Variants in AKT3 observed in about 807,000 individuals in gnomAD.
AKT3 encodes AKT serine/threonine kinase 3.
Under a neutral mutation model 65.3 loss-of-function variants are expected in AKT3, and 15 were observed. The ratio of observed to expected loss-of-function variants is 0.23; its 90% CI spans 0.15 to 0.35. The LOEUF is 0.35. AKT3 is among the 10% of genes least tolerant of loss of function. The pLI is 1.00. For synonymous variants in AKT3, 206 were observed against 183.8 expected (o/e 1.12, Z -0.98); for missense variants, 243 against 576.5 (o/e 0.42, Z 5.92).
At chr1:243,800,288 T>C (rs1692300160) in intron 2 of AKT3, among the ~76,000 whole-genome samples, 1 of 152,214 alleles carries the variant, frequency 6.6e-6, no homozygotes, top group South Asian at 2.1e-4. Context: ...AGTGCCAACC[T>C]TACAGGGCTG....
intron 2 of AKT3, among the ~76,000 whole-genome samples, chr1:243,712,993 T>A (rs1381304359): frequency 6.6e-6 from 1 of 152,238 alleles, no homozygotes; most frequent in African/African-American, 2.4e-5. Context: ...GGTTACTATA[T>A]AACTTTGTTT....
intron 5 of AKT3, among the ~76,000 whole-genome samples, chr1:243,638,685 AAG>A (rs1680153621): frequency 6.6e-6 from 1 of 152,168 alleles, no homozygotes; most frequent in Non-Finnish European, 1.5e-5. Context: ...AATATCAAAT[AAG>A]TATTTGGGTT....
intron 3 of AKT3, among the ~76,000 whole-genome samples, chr1:243,689,936 T>G (rs936720202): frequency 6.6e-6 from 1 of 151,688 alleles, no homozygotes; most frequent in African/African-American, 2.4e-5. Flanking sequence ...CAGAGTGAGA[T>G]CTTGTCTTAA....
intron 2 of AKT3, among the ~76,000 whole-genome samples, chr1:243,763,074 A>G (rs917416271): frequency 6.6e-6 from 1 of 152,090 alleles, no homozygotes; most frequent in Non-Finnish European, 1.5e-5. Flanking sequence ...GAAAAACAAT[A>G]TAAAGTTTAT....
chr1:243,526,267 T>TAAATATCCTCAG (rs1671072017), intron 12 of AKT3, among the ~76,000 whole-genome samples: 1 of 152,088 alleles, frequency 6.6e-6, no homozygotes, highest in African/African-American at 2.4e-5. Flanking sequence ...GAAACCCGTG[T>TAAATATCCTCAG]TAATTCGTAC....
chr1:243,751,469 G>A (rs1463860056), intron 2 of AKT3, among the ~76,000 whole-genome samples: 2 of 152,166 alleles, frequency 1.3e-5, no homozygotes, highest in Non-Finnish European at 1.5e-5. Flanking sequence ...TTCTTTTTAG[G>A]GGAGGGGGGA....
rs565487152 is a variant in AKT3 at position 243,696,842 on chromosome 1, A to G, written c.47-1126T>C. On this transcript the variant is annotated intron_variant, in intron 2 of 13. Coordinates refer to ENST00000673466, the MANE Select transcript of AKT3 (RefSeq NM_005465.7). ...TCCCCACTTCCATCCTAATGTATCTATCACCTCCAGATTAATCTTGTGTGT... is the reference window on the plus strand; with the variant it reads ...TCCCCACTTCCATCCTAATGTATCTGTCACCTCCAGATTAATCTTGTGTGT... Among the ~76,000 whole-genome samples, 12 of 152,106 alleles carry G rather than the reference A, an allele frequency of 7.9e-5. 1 individual carries two copies. In the South Asian group the frequency reaches 2.3e-3, roughly 29 times the overall value.
At chr1:243,540,479 C>A (rs566190751) in intron 12 of AKT3, among the ~76,000 whole-genome samples, 4 of 152,202 alleles carry the variant, frequency 2.6e-5, no homozygotes, top group Admixed American at 1.3e-4. Flanking sequence ...ATTATAACAT[C>A]ATGTTTTTAT....
At chr1:243,522,911 G>T (rs1670809896) in intron 12 of AKT3, among the ~76,000 whole-genome samples, 1 of 152,036 alleles carries the variant, frequency 6.6e-6, no homozygotes, top group African/African-American at 2.4e-5. Context: ...CTCTGTCCAG[G>T]TTCTAGCACT....
At chr1:243,714,897 T>C (rs1686406450) in intron 2 of AKT3, among the ~76,000 whole-genome samples, 1 of 152,130 alleles carries the variant, frequency 6.6e-6, no homozygotes, top group African/African-American at 2.4e-5. Flanking sequence ...GACATCTGTG[T>C]GACCCTTTTA....
At chr1:243,670,028 A>T (rs903540669) in intron 3 of AKT3, among the ~76,000 whole-genome samples, 1 of 152,216 alleles carries the variant, frequency 6.6e-6, no homozygotes, top group African/African-American at 2.4e-5. Context: ...CTATGAGCTC[A>T]TGGTACACAC....
At chr1:243,715,878 A>T (rs756256852) in intron 2 of AKT3, among the ~76,000 whole-genome samples, 1 of 152,076 alleles carries the variant, frequency 6.6e-6, no homozygotes, top group Non-Finnish European at 1.5e-5. Flanking sequence ...ATTTAGTGAT[A>T]ATACTTAGGG....
At chr1:243,666,115 T>G (rs1682754191) in intron 3 of AKT3, among the ~76,000 whole-genome samples, 1 of 152,132 alleles carries the variant, frequency 6.6e-6, no homozygotes. Flanking sequence ...GTGATTGTCA[T>G]GCCTCAGCCA....
chr1:243,702,991 G>T (rs982379004), intron 2 of AKT3: 3 of 152,136 alleles, frequency 2.0e-5, no homozygotes, highest in Admixed American at 6.6e-5. Context: ...CATGCTTCAA[G>T]AAACTATCTT....
At chr1:243,590,006 G>A (rs950989931) in intron 8 of AKT3, among the ~76,000 whole-genome samples, 2 of 152,148 alleles carry the variant, frequency 1.3e-5, no homozygotes, top group Non-Finnish European at 2.9e-5. Context: ...GACAAATACT[G>A]TATGATCCAC....
chr1:243,727,672 CTT>C (rs1401413185), intron 2 of AKT3, among the ~76,000 whole-genome samples: 3 of 152,066 alleles, frequency 2.0e-5, no homozygotes, highest in Non-Finnish European at 4.4e-5. Context: ...GCAACAATAA[CTT>C]GAGGTATTTA....
chr1:243,621,449 C>T (rs770437057), intron 6 of AKT3, among the ~76,000 whole-genome samples: 4 of 152,104 alleles, frequency 2.6e-5, no homozygotes, highest in Non-Finnish European at 5.9e-5. Flanking sequence ...GCTCTGAAAC[C>T]CTTATTCTGT....
chr1:243,601,103 A>C (rs553978013), intron 8 of AKT3, among the ~76,000 whole-genome samples: 2 of 152,282 alleles, frequency 1.3e-5, no homozygotes, highest in South Asian at 4.1e-4. Flanking sequence ...TAAAATGCTG[A>C]TTACAATAGA....
At position 243,500,574 on chromosome 1, in the gene AKT3, A is replaced by C. The variant is rs1164789642; in HGVS notation, c.*4675T>G. 1 of 228,526 alleles carries C rather than the reference A, an allele frequency of 4.4e-6. No homozygotes were observed. The highest frequency in any genetic ancestry group is 8.7e-6 in the Non-Finnish European group (1 of 115,270). 14.2% of individuals were successfully genotyped at this position (228,526 alleles called of 1,614,324 possible). On this transcript the variant is annotated 3_prime_UTR_variant, in exon 14 of 14. Coordinates refer to ENST00000673466, the MANE Select transcript of AKT3 (RefSeq NM_005465.7). Reference sequence around the variant, plus strand: ...CCTCAAATGCTTTAAAGTAATAAAAACGGACACTGGACATACCGTGTTGTA... The same window carrying C: ...CCTCAAATGCTTTAAAGTAATAAAACCGGACACTGGACATACCGTGTTGTA...
Sources: allele counts gnomAD v4.1 joint callset (sites outside exome capture counted in the v4.1 genomes callset), GRCh38; gene constraint gnomAD v4.1.1; transcripts MANE v1.5; gene names NCBI Gene and HGNC (gene_info 2026-07-23, HGNC 2026-07-21).